The following SMTNL2 variants were observed in gnomAD, a reference collection of about 807,000 sequenced individuals.
SMTNL2 encodes smoothelin like 2, also known as smoothelin-like protein 2.
In SMTNL2, 43 loss-of-function variants were observed where a neutral mutation model predicts 44.1. The observed-to-expected ratio is 0.98, with a 90% CI of 0.76 to 1.26. The LOEUF (loss-of-function observed/expected upper bound fraction) is 1.26, where lower values mean the gene tolerates loss of function less well. Among genes scored for constraint, SMTNL2 ranks in the 50% most tolerant of loss-of-function variants. SMTNL2 has a pLI of 0.00. For synonymous variants in SMTNL2, 317 were observed against 287.6 expected (o/e 1.10, Z -1.03); for missense variants, 646 against 670.2 (o/e 0.96, Z 0.40).
chr17:4,592,939 T>G lies in SMTNL2; in HGVS notation c.498T>G (p.Asp166Glu). The G allele has an allele frequency of 6.2e-7, 1 of 1,611,888 alleles. No homozygotes were observed. Among genetic ancestry groups the G allele is most frequent in the Non-Finnish European group, 8.5e-7 (1 of 1,178,408 alleles). The change falls in exon 3 of 8, where the codon GAT becomes GAG. Residue 166 changes from aspartate (D) to glutamate (E), a missense_variant. Transcript: ENST00000389313. This position sits in a 1 kb window ranked among gnomAD's most constrained non-coding sequence, Gnocchi z 4.5. ...GGTCACATGTTCCAGGTCCAGGCGA[T>G]GGACCCCCTGAGATTGCCCAAAACT... ...NGHQPGAGPG[D>E]GPPEIAQNFS...
intron 7 of SMTNL2, among the ~76,000 whole-genome samples, chr17:4,602,078 T>C (rs922879418): frequency 1.3e-5 from 2 of 152,174 alleles, no homozygotes; most frequent in African/African-American, 2.4e-5. Flanking sequence ...TTTTGGATTT[T>C]AGATTTTGGA....
Position 4,584,873 on chromosome 17 carries a change from A to G in SMTNL2, c.268A>G (p.Met90Val). ...GGAGGCGCTGGGCTTGGCCAGCGGG[A>G]TGTCCCCGGTGCCCGGCACTCCCGG... is the stretch of plus-strand genomic sequence containing the variant. Reference protein sequence around the residue: ...QVEALGLASGMSPVPGTPGTP... With the variant: ...QVEALGLASGVSPVPGTPGTP... Residue 90 changes from methionine (M) to valine (V), a missense_variant, in exon 1 of 8, where the codon ATG (methionine) becomes GTG (valine). By Grantham distance (21) the Met-to-Val change is conservative. Transcript: ENST00000389313. 7.6e-7 allele frequency: 1 copy of G among 1,311,342 alleles called. No homozygotes were observed. Among genetic ancestry groups the G allele is most frequent in the African/African-American group, 1.6e-5 (1 of 64,426 alleles). The allele number at this position is 1,311,342 out of a possible 1,614,324, so 81.2% of individuals were successfully genotyped here. A position where few individuals can be genotyped will look rare whatever the true frequency, so the allele number is the denominator to read the frequency against.
In SMTNL2 at chr17:4,598,139, A is replaced by G. The variant is rs1299254732; in HGVS notation, c.1259+816A>G. ...TGGCCTGGGTGCGGAGGACTGTCTG[A>G]TAAGAGCTGCGCTTTGGGCAAATGG... On this transcript the variant is annotated intron_variant, in intron 7 of 7. Coordinates refer to ENST00000389313, the MANE Select transcript of SMTNL2 (RefSeq NM_001114974.2). The surrounding 1 kb of genome is among the most constrained non-coding windows in gnomAD (Gnocchi z 4.8). Among the ~76,000 whole-genome samples the G allele has an allele frequency of 6.6e-6, 1 of 152,192 alleles. No homozygotes were observed. Among genetic ancestry groups the G allele is most frequent in the African/African-American group, 2.4e-5 (1 of 41,452 alleles).
intron 5 of SMTNL2, among the ~76,000 whole-genome samples, chr17:4,596,303 C>T (rs943122616): frequency 2.0e-5 from 3 of 152,234 alleles, no homozygotes; most frequent in Non-Finnish European, 4.4e-5. Flanking sequence ...ACAGCCAGTC[C>T]CTGCTCGACT....
Position 4,596,928 on chromosome 17 carries a change from T to C in SMTNL2, c.1058T>C (p.Ile353Thr). The change falls in exon 6 of 8, where the codon ATC becomes ACC. Residue 353 changes from isoleucine (I) to threonine (T), a missense_variant. Coordinates refer to ENST00000389313, the MANE Select transcript of SMTNL2 (RefSeq NM_001114974.2). ...TTCGGCGTGGCCAGCGCCAGCAGCA[T>C]CAAGCAGATCCTGCTCGAGTGGTGC... is the stretch of plus-strand genomic sequence containing the variant. ...QSFGVASASSIKQILLEWCRS... is the reference protein window; with the variant it reads ...QSFGVASASSTKQILLEWCRS... 1 of 1,527,804 alleles carries C rather than the reference T, an allele frequency of 6.5e-7. No individual in the cohort carries two copies. 94.6% of individuals were successfully genotyped at this position (1,527,804 alleles called of 1,614,324 possible). A position where few individuals can be genotyped will look rare whatever the true frequency, so the allele number is the denominator to read the frequency against.
In SMTNL2 at chr17:4,592,467, G is replaced by T. The variant is rs1388198062; in HGVS notation, c.487+19G>T. On this transcript the variant is annotated intron_variant, in intron 2 of 7. Transcript: ENST00000389313. This position sits in a 1 kb window ranked among gnomAD's most constrained non-coding sequence, Gnocchi z 4.5. ...GGGGCAGGTAGGGCTGACGGCAGAGGAGGGGTGGCTGGGTAGGTTTGGGGG... is the reference window on the plus strand; with the variant it reads ...GGGGCAGGTAGGGCTGACGGCAGAGTAGGGGTGGCTGGGTAGGTTTGGGGG... The T allele has an allele frequency of 1.2e-6, 2 of 1,608,006 alleles. No homozygotes were observed. Among genetic ancestry groups the T allele is most frequent in the East Asian group, 4.5e-5 (2 of 44,818 alleles).
chr17:4,586,683 A>G (rs1277831779), intron 1 of SMTNL2, among the ~76,000 whole-genome samples: 1 of 152,090 alleles, frequency 6.6e-6, no homozygotes, highest in Non-Finnish European at 1.5e-5. Context: ...TTCGGGGTGG[A>G]TGGAAGGTGG....
At chr17:4,588,024 C>G (rs73331923) in intron 1 of SMTNL2, among the ~76,000 whole-genome samples, 381 of 152,356 alleles carry the variant, frequency 2.5e-3, no homozygotes, top group African/African-American at 8.5e-3. Context: ...GTCAGAGGCC[C>G]GACCATGAAA....
In SMTNL2 at chr17:4,592,840, G is replaced by A; in HGVS notation, c.488-89G>A. 6.6e-7 allele frequency: 1 copy of A among 1,516,414 alleles called. No individual in the cohort carries two copies. Among genetic ancestry groups the A allele is most frequent in the Non-Finnish European group, 8.9e-7 (1 of 1,127,314 alleles). The allele number at this position is 1,516,414 out of a possible 1,614,324, so 93.9% of individuals were successfully genotyped here. A position where few individuals can be genotyped will look rare whatever the true frequency, so the allele number is the denominator to read the frequency against. ...CCTTCCTAGAGGAGGTGGGAGGAGG[G>A]CCCAGGGAGGCTAGAGCCCTCCTGG... On this transcript the variant is annotated intron_variant, in intron 2 of 7. Coordinates refer to ENST00000389313, the MANE Select transcript of SMTNL2 (RefSeq NM_001114974.2). The surrounding 1 kb of genome is among the most constrained non-coding windows in gnomAD (Gnocchi z 4.5).
Position 4,589,517 on chromosome 17 carries a change from G to A in SMTNL2, c.400-2844G>A, listed in dbSNP as rs528606498. Among the ~76,000 whole-genome samples the A allele has an allele frequency of 5.3e-5, 8 of 152,202 alleles. No homozygotes were observed. In the East Asian group the frequency reaches 9.7e-4, roughly 18 times the overall value. On this transcript the variant is annotated intron_variant, in intron 1 of 7. Coordinates refer to ENST00000389313, the MANE Select transcript of SMTNL2 (RefSeq NM_001114974.2). ...GGGAGACGCCCTGTGCTTTTCTTGC[G>A]TTTCTGAGAGTGGGCCTGGCCTCTC...
chr17:4,595,288 C>G lies in SMTNL2; in HGVS notation c.950C>G (p.Ala317Gly), dbSNP rs1909762696. 1.2e-6 allele frequency: 2 copies of G among 1,613,080 alleles called. No homozygotes were observed. The highest frequency in any genetic ancestry group is 8.5e-7 in the Non-Finnish European group (1 of 1,179,866). The change falls in exon 5 of 8, where the codon GCA becomes GGA. Residue 317 changes from alanine to glycine, a missense_variant. Coordinates refer to ENST00000389313, the MANE Select transcript of SMTNL2 (RefSeq NM_001114974.2). The surrounding 1 kb of genome is among the most constrained non-coding windows in gnomAD (Gnocchi z 5.1). ...PRTSEAQARK[A>G]LFEKWEQETA... The stretch of plus-strand genomic sequence containing the variant: ...ACCTCGGAGGCGCAGGCCCGGAAAG[C>G]ATTGTTTGAGAAGTGGGAGCAGGAA...
chr17:4,592,802 G>C lies in SMTNL2; in HGVS notation c.488-127G>C. ...GGTAGGGGAGGTCAGAGAGGCTGGA[G>C]CAGTCAGGGAGGCCTTCCTAGAGGA... On this transcript the variant is annotated intron_variant, in intron 2 of 7. Coordinates refer to ENST00000389313, the MANE Select transcript of SMTNL2 (RefSeq NM_001114974.2). The surrounding 1 kb of genome is among the most constrained non-coding windows in gnomAD (Gnocchi z 4.5). 3 of 1,292,146 alleles carry C rather than the reference G, an allele frequency of 2.3e-6. No homozygotes were observed. Among genetic ancestry groups the C allele is most frequent in the Non-Finnish European group, 3.2e-6 (3 of 947,074 alleles). 80.0% of individuals were successfully genotyped at this position (1,292,146 alleles called of 1,614,324 possible). A position where few individuals can be genotyped will look rare whatever the true frequency, so the allele number is the denominator to read the frequency against.
At position 4,584,613 on chromosome 17, in the gene SMTNL2, C is replaced by G. The variant is rs1037996360; in HGVS notation, c.8C>G (p.Pro3Arg). ...CGCGCGCTCTGCTGGGCCATGGAGC[C>G]GGCCCCCGACGCCCAGGAGGCGCGC... The part of the protein sequence containing the change: ME[P>R]APDAQEARTV... The change falls in exon 1 of 8, where the codon CCG (proline) becomes CGG (arginine). Residue 3 changes from proline (P) to arginine (R), a missense_variant. By Grantham distance (103) the Pro-to-Arg change is moderately radical (BLOSUM62 -2). Coordinates refer to ENST00000389313, the MANE Select transcript of SMTNL2 (RefSeq NM_001114974.2). 23 of 1,241,414 alleles carry G rather than the reference C, an allele frequency of 1.9e-5. No individual in the cohort carries two copies. The highest frequency in any genetic ancestry group is 2.2e-5 in the Non-Finnish European group (22 of 993,626). 76.9% of individuals were successfully genotyped at this position (1,241,414 alleles called of 1,614,324 possible).
At chr17:4,601,144 C>T (rs1215134200) in intron 7 of SMTNL2, among the ~76,000 whole-genome samples, 1 of 152,226 alleles carries the variant, frequency 6.6e-6, no homozygotes, top group Non-Finnish European at 1.5e-5. Flanking sequence ...CACAGTGGCT[C>T]ATGCCTGCGA....
Position 4,592,516 on chromosome 17 carries a change from T to C in SMTNL2, c.487+68T>C. ...GGTTAAGTAAGGCCTTGGTCAGGTA[T>C]CTGTGCCAGGCTGGCCCTTGGCCTG... On this transcript the variant is annotated intron_variant, in intron 2 of 7. Coordinates refer to ENST00000389313, the MANE Select transcript of SMTNL2 (RefSeq NM_001114974.2). This position sits in a 1 kb window ranked among gnomAD's most constrained non-coding sequence, Gnocchi z 4.5. The C allele has an allele frequency of 2.0e-6, 3 of 1,476,400 alleles. No homozygotes were observed. In the South Asian group the frequency reaches 3.7e-5, roughly 18 times the overall value. The allele number at this position is 1,476,400 out of a possible 1,614,324, so 91.5% of individuals were successfully genotyped here. A position where few individuals can be genotyped will look rare whatever the true frequency, so the allele number is the denominator to read the frequency against.
chr17:4,586,649 C>G (rs1909357343), intron 1 of SMTNL2, among the ~76,000 whole-genome samples: 1 of 152,096 alleles, frequency 6.6e-6, no homozygotes, highest in African/African-American at 2.4e-5. Context: ...GGATGAGGGT[C>G]TTCTTTGTGT....
chr17:4,585,572 G>A (rs1909314049), intron 1 of SMTNL2, among the ~76,000 whole-genome samples: 1 of 152,204 alleles, frequency 6.6e-6, no homozygotes, highest in Admixed American at 6.5e-5. Flanking sequence ...TGAAGGGAGA[G>A]AGGTGGAAAC....
chr17:4,589,938 CTTTTTTTTTTTTTTTTTTTTTTTTTTTTT>C (rs780984262), intron 1 of SMTNL2, among the ~76,000 whole-genome samples: 22 of 59,872 alleles, frequency 3.7e-4, no homozygotes, highest in Middle Eastern at 0.013. Context: ...ACGCACCTGG[CTTTTTTTTTTTTTTTTTTTTTTTTTTTTT>C]TTTTTTTTTT....
intron 7 of SMTNL2, among the ~76,000 whole-genome samples, chr17:4,603,730 G>T (rs201789031): frequency 6.6e-6 from 1 of 152,168 alleles, no homozygotes; most frequent in African/African-American, 2.4e-5. Flanking sequence ...GCAGGTGTGG[G>T]AGTGGAGGTG....
Sources: allele counts gnomAD v4.1 joint callset (sites outside exome capture counted in the v4.1 genomes callset), GRCh38; gene constraint gnomAD v4.1.1; non-coding constraint Gnocchi (gnomAD v3.1); transcripts MANE v1.5; gene names NCBI Gene and HGNC (gene_info 2026-07-23, HGNC 2026-07-21).